The following ATG4B variants were observed in gnomAD, a reference collection of about 807,000 sequenced individuals.
ATG4B encodes autophagy related 4B cysteine peptidase, also known as cysteine protease ATG4B.
In ATG4B, 29 loss-of-function variants were observed where a neutral mutation model predicts 56.6. The observed-to-expected ratio is 0.51, with a 90% CI of 0.38 to 0.70. The LOEUF (loss-of-function observed/expected upper bound fraction) is 0.70, where lower values mean the gene tolerates loss of function less well. Ranked by LOEUF, ATG4B falls within the 30% of genes least tolerant of loss-of-function variation. The probability of loss-of-function intolerance (pLI) is 0.00; values close to 1 mark genes in which losing one functional copy is unlikely to be tolerated. For missense variants in ATG4B, 461 were observed against 515.5 expected (o/e 0.89, Z 1.02); for synonymous variants, 224 against 206.1 (o/e 1.09, Z -0.74).
chr2:241,660,482 T>C (rs2068557774), intron 7 of ATG4B, among the ~76,000 whole-genome samples: 1 of 152,260 alleles, frequency 6.6e-6, no homozygotes, highest in Admixed American at 6.5e-5. Flanking sequence ...TCCAGGATTC[T>C]GTTCCTCAGA....
At chr2:241,660,900 G>A (rs2068571451) in intron 7 of ATG4B, among the ~76,000 whole-genome samples, 2 of 152,302 alleles carry the variant, frequency 1.3e-5, no homozygotes, top group African/African-American at 4.8e-5. Context: ...CCCTGGCCTC[G>A]GATTAGGGAG....
At position 241,642,871 on chromosome 2, in the gene ATG4B, CCT is replaced by C. The variant is rs1491218742; in HGVS notation, c.10+5148_10+5149del. Among the ~76,000 whole-genome samples the C allele has an allele frequency of 3.0e-5, 3 of 98,428 alleles. 1 individual carries two copies. Among genetic ancestry groups the C allele is most frequent in the East Asian group, 7.5e-4 (2 of 2,668 alleles). The allele number at this position is 98,428 out of a possible 152,430, so 64.6% of individuals were successfully genotyped here. The stretch of plus-strand genomic sequence containing the variant: ...CTTAAGGTGTACAGCACCTCTCCGT[CCT>C]TTTTTTTTTTTTTTTTTTTTTTTTT... On this transcript the variant is annotated intron_variant, in intron 1 of 12. Transcript: ENST00000404914.
intron 7 of ATG4B, chr2:241,659,734 C>G (rs2068532941): frequency 5.0e-6 from 1 of 199,492 alleles, no homozygotes; most frequent in Non-Finnish European, 1.1e-5. Context: ...ATTCATGTTT[C>G]ACCTTCCATG....
chr2:241,643,708 C>T (rs1223717066), intron 1 of ATG4B, among the ~76,000 whole-genome samples: 2 of 134,682 alleles, frequency 1.5e-5, no homozygotes, highest in Non-Finnish European at 3.1e-5. Context: ...CCCCCCCCGT[C>T]GTCCAGGCTG....
At chr2:241,655,143 C>T in intron 5 of ATG4B, 128 bp from the exon 6 acceptor site, 1 of 849,946 alleles carries the variant, frequency 1.2e-6, no homozygotes, top group Non-Finnish European at 1.9e-6. Context: ...GTTGGGGCAT[C>T]CTTCCGTCTG....
At chr2:241,655,003 G>A (rs1559258876) in intron 5 of ATG4B, 2 of 578,838 alleles carry the variant, frequency 3.5e-6, no homozygotes, top group East Asian at 2.9e-5. Flanking sequence ...TTGCAAGCAA[G>A]GCCGGCTTTT....
At position 241,647,636 on chromosome 2, in the gene ATG4B, A is replaced by T. The variant is rs936443132; in HGVS notation, c.11-3374A>T. 1.0e-3 allele frequency among the ~76,000 whole-genome samples: 156 copies of T among 150,474 alleles called. 1 individual carries two copies. The highest frequency in any genetic ancestry group is 2.0e-3 in the Non-Finnish European group (134 of 67,566). Reference sequence around the variant, plus strand: ...AGACTCCGTCTCAAAAAAAAAAAAAAAAAAAAAGAAAAGAAATTAGACCGG... The same window carrying T: ...AGACTCCGTCTCAAAAAAAAAAAAATAAAAAAAGAAAAGAAATTAGACCGG... On this transcript the variant is annotated intron_variant, in intron 1 of 12. Coordinates refer to ENST00000404914, the MANE Select transcript of ATG4B (RefSeq NM_013325.5).
At chr2:241,645,309 G>A (rs535351782) in intron 1 of ATG4B, among the ~76,000 whole-genome samples, 1 of 152,340 alleles carries the variant, frequency 6.6e-6, no homozygotes, top group South Asian at 2.1e-4. Flanking sequence ...CAGCCCGTGA[G>A]GCCGGGGGCA....
intron 4 of ATG4B, 46 bp from the exon 5 acceptor site, chr2:241,654,500 T>G: frequency 1.5e-6 from 2 of 1,361,490 alleles, no homozygotes. Flanking sequence ...GAAAACTTGT[T>G]TCTCATATTT....
intron 7 of ATG4B, among the ~76,000 whole-genome samples, chr2:241,666,050 A>G (rs2068754163): frequency 6.6e-6 from 1 of 152,212 alleles, no homozygotes; most frequent in Admixed American, 6.5e-5. Context: ...TTCTGGGTTA[A>G]GCAGATGCTG....
At chr2:241,648,163 T>C (rs1357689056) in intron 1 of ATG4B, among the ~76,000 whole-genome samples, 4 of 152,198 alleles carry the variant, frequency 2.6e-5, no homozygotes, top group Non-Finnish European at 5.9e-5. Flanking sequence ...ATTCAGTTTT[T>C]GTAATCATGT....
At chr2:241,645,679 C>G (rs1575059988) in intron 1 of ATG4B, among the ~76,000 whole-genome samples, 1 of 152,348 alleles carries the variant, frequency 6.6e-6, no homozygotes, top group South Asian at 2.1e-4. Flanking sequence ...GGCGCTCCAG[C>G]TGTCAGGAAC....
Position 241,657,205 on chromosome 2 carries a change from G to C in ATG4B, c.458+1862G>C, listed in dbSNP as rs2068434151. Among the ~76,000 whole-genome samples, 6 of 139,196 alleles carry C rather than the reference G, an allele frequency of 4.3e-5. No individual in the cohort carries two copies. The South Asian group carries it at 1.4e-3, about 32-fold the overall frequency. 91.3% of individuals were successfully genotyped at this position (139,196 alleles called of 152,430 possible). On this transcript the variant is annotated intron_variant, in intron 6 of 12. Transcript: ENST00000404914. ...TTGGCCAGGCTGGTCTTGAACTCCT[G>C]ACCTCGTGATCCACCTGCCTTCGCC...
In ATG4B at chr2:241,673,500, C is replaced by A. The variant is rs748131345; in HGVS notation, c.*1236C>A. On this transcript the variant is annotated 3_prime_UTR_variant, in exon 13 of 13. Transcript: ENST00000404914. ...TTGTGTAGGTCGGGGAGCCAGAGAT[C>A]CCCGAGGACGCGCGCCGGACAGTCG... The A allele has an allele frequency of 4.1e-5, 17 of 417,504 alleles. No individual in the cohort carries two copies. The highest frequency in any genetic ancestry group is 1.6e-4 in the South Asian group (10 of 60,868). 25.9% of individuals were successfully genotyped at this position (417,504 alleles called of 1,614,324 possible). A position where few individuals can be genotyped will look rare whatever the true frequency, so the allele number is the denominator to read the frequency against.
At chr2:241,665,955 C>T (rs1012309737) in intron 7 of ATG4B, among the ~76,000 whole-genome samples, 3 of 152,242 alleles carry the variant, frequency 2.0e-5, no homozygotes, top group African/African-American at 7.2e-5. Flanking sequence ...GACGGTTCCA[C>T]CTTTGGCCGG....
At chr2:241,643,967 G>C (rs1396093212) in intron 1 of ATG4B, among the ~76,000 whole-genome samples, 2 of 152,120 alleles carry the variant, frequency 1.3e-5, no homozygotes, top group Non-Finnish European at 2.9e-5. Context: ...ATTATGACAG[G>C]GGCTATGAAA....
chr2:241,661,633 A>G lies in ATG4B; in HGVS notation c.538+2446A>G, dbSNP rs1489606119. The stretch of plus-strand genomic sequence containing the variant: ...AAGACTGATGCCATTCAGAAATTCC[A>G]CTAAAGCTTCTTCCTGCAGCGAAAG... On this transcript the variant is annotated intron_variant, in intron 7 of 12. Transcript: ENST00000404914. Among the ~76,000 whole-genome samples the G allele has an allele frequency of 2.0e-5, 3 of 152,210 alleles. No homozygotes were observed. In the East Asian group the frequency reaches 5.8e-4, roughly 29 times the overall value.
At chr2:241,642,070 A>G (rs533007583) in intron 1 of ATG4B, among the ~76,000 whole-genome samples, 21 of 151,976 alleles carry the variant, frequency 1.4e-4, no homozygotes, top group Non-Finnish European at 2.5e-4. Flanking sequence ...AATAACCTAC[A>G]CATTCCCCTA....
At chr2:241,666,148 C>T (rs1225007116) in intron 7 of ATG4B, among the ~76,000 whole-genome samples, 4 of 152,244 alleles carry the variant, frequency 2.6e-5, no homozygotes, top group South Asian at 2.1e-4. Flanking sequence ...TCGATCTAGA[C>T]GCCGGGCATG....
Sources: gnomAD v4.1 joint callset for allele counts (sites outside exome capture counted in the v4.1 genomes callset) on GRCh38, gnomAD v4.1.1 for gene constraint, MANE v1.5 for transcripts, NCBI Gene and HGNC (gene_info 2026-07-23, HGNC 2026-07-21) for gene names.